The following CSTL1 variants were observed in gnomAD, a reference collection of about 807,000 sequenced individuals.
CSTL1 encodes the protein cystatin-like 1.
In CSTL1, 14 loss-of-function variants were observed where a neutral mutation model predicts 14.4. That is an observed-to-expected ratio of 0.97 (90% CI 0.64 to 1.52). The LOEUF (loss-of-function observed/expected upper bound fraction) is 1.52, where lower values mean the gene tolerates loss of function less well. CSTL1 is among the 40% of genes most tolerant of loss of function. The probability of loss-of-function intolerance (pLI) is 0.00; values close to 1 mark genes in which losing one functional copy is unlikely to be tolerated. For missense variants in CSTL1, 170 were observed against 168.7 expected (o/e 1.01, Z -0.04); for synonymous variants, 72 against 67.5 (o/e 1.07, Z -0.33).
the CSTL1 span, chr20:23,452,863 A>G: frequency 6.9e-7 from 1 of 1,439,872 alleles, no homozygotes; most frequent in East Asian, 2.4e-5. Flanking sequence ...CTCAGGGACA[A>G]GTCGAATCAC....
chr20:23,452,833 G>C, the CSTL1 span: 9 of 1,578,464 alleles, frequency 5.7e-6, no homozygotes, highest in South Asian at 6.7e-5. Context: ...AGAGGAACAG[G>C]AAGAGTGTTC....
At chr20:23,446,341 C>T (rs1023991432), downstream of CSTL1, among the ~76,000 whole-genome samples, 5 of 152,040 alleles carry the variant, frequency 3.3e-5, no homozygotes, top group South Asian at 6.2e-4. Context: ...CTGCAGTCTC[C>T]GCCTCCCAGG....
Position 23,440,245 on chromosome 20 carries a change from A to G in CSTL1, c.-23A>G, listed in dbSNP as rs1287580620. 2 of 1,612,920 alleles carry G rather than the reference A, an allele frequency of 1.2e-6. No individual in the cohort carries two copies. The highest frequency in any genetic ancestry group is 2.2e-5 in the East Asian group (1 of 44,860). ...CACACCCTGGAAGGTGCAGTTGGGAAGAAAGTTTCTGAGGCTGTAGACATG... is the reference window on the plus strand; with the variant it reads ...CACACCCTGGAAGGTGCAGTTGGGAGGAAAGTTTCTGAGGCTGTAGACATG... On this transcript the variant is annotated 5_prime_UTR_variant, in exon 2 of 4. Coordinates refer to ENST00000347397, the MANE Select transcript of CSTL1 (RefSeq NM_138283.1).
downstream of CSTL1, among the ~76,000 whole-genome samples, chr20:23,449,679 T>C (rs552850286): frequency 1.6e-4 from 24 of 152,290 alleles, no homozygotes; most frequent in South Asian, 6.2e-4. Flanking sequence ...CCGTGGCTGC[T>C]GTGCCTTCTG....
chr20:23,460,977 C>A, the CSTL1 span, among the ~76,000 whole-genome samples: 1 of 152,178 alleles, frequency 6.6e-6, no homozygotes, highest in Non-Finnish European at 1.5e-5. Context: ...CGTGGCAATG[C>A]AAATTGATAG....
At chr20:23,440,727 A>C in intron 2 of CSTL1, 1 of 596,220 alleles carries the variant, frequency 1.7e-6, no homozygotes, top group South Asian at 1.6e-5. Flanking sequence ...ATACACTTAG[A>C]GGCAAAAGTG....
At chr20:23,454,443 C>G in the CSTL1 span, among the ~76,000 whole-genome samples, 1 of 152,118 alleles carries the variant, frequency 6.6e-6, no homozygotes, top group Non-Finnish European at 1.5e-5. Context: ...CGCTAAAACA[C>G]ACAGACACAG....
chr20:23,453,310 G>A, the CSTL1 span, among the ~76,000 whole-genome samples: 2 of 152,152 alleles, frequency 1.3e-5, no homozygotes, highest in African/African-American at 4.8e-5. Context: ...CCCTCCCTTA[G>A]AGGACAAAGG....
chr20:23,453,683 C>T, the CSTL1 span, among the ~76,000 whole-genome samples: 1 of 152,086 alleles, frequency 6.6e-6, no homozygotes, highest in Non-Finnish European at 1.5e-5. Flanking sequence ...TGGGAAGATG[C>T]GATATAAAAA....
the CSTL1 span, among the ~76,000 whole-genome samples, chr20:23,453,413 C>T: frequency 6.6e-6 from 1 of 152,052 alleles, no homozygotes; most frequent in Non-Finnish European, 1.5e-5. Flanking sequence ...GAGTGGCCTC[C>T]GCTGGACTTG....
the CSTL1 span, among the ~76,000 whole-genome samples, chr20:23,456,384 C>T: frequency 6.6e-6 from 1 of 152,206 alleles, no homozygotes; most frequent in African/African-American, 2.4e-5. Context: ...TCCCTATGCA[C>T]ACCACATCTC....
the CSTL1 span, chr20:23,450,409 G>T: frequency 1.3e-6 from 1 of 741,364 alleles, no homozygotes; most frequent in Non-Finnish European, 2.2e-6. Context: ...GATCTTAAGA[G>T]AATATGTTGA....
rs1269387033 is a variant in CSTL1, at chr20:23,440,156, C to A, written c.-112C>A. 6.6e-6 allele frequency: 7 copies of A among 1,055,996 alleles called. No homozygotes were observed. The East Asian group carries it at 1.7e-4, about 26-fold the overall frequency. 65.4% of individuals were successfully genotyped at this position (1,055,996 alleles called of 1,614,324 possible). A position where few individuals can be genotyped will look rare whatever the true frequency, so the allele number is the denominator to read the frequency against. ...TGTTTAAATGCAGGCAGGCCATCCC[C>A]CAGGAAAGCCTATGTTGGTGAGGGT... On this transcript the variant is annotated 5_prime_UTR_variant, in exon 2 of 4. Coordinates refer to ENST00000347397, the MANE Select transcript of CSTL1 (RefSeq NM_138283.1).
rs150136665 is a variant in CSTL1, at chr20:23,442,653, C to A, written c.220-1281C>A. ...TGGATGGCCCCCACATGTTTGGGTG[C>A]GGGGAGGCTGGTACTGCCCTCAGGT... On this transcript the variant is annotated intron_variant, in intron 2 of 3. Transcript: ENST00000347397. 3.9e-5 allele frequency among the ~76,000 whole-genome samples: 6 copies of A among 152,252 alleles called. No individual in the cohort carries two copies. In the East Asian group the frequency reaches 1.2e-3, roughly 29 times the overall value.
At chr20:23,448,288 T>G (rs973146133), downstream of CSTL1, among the ~76,000 whole-genome samples, 5 of 144,730 alleles carry the variant, frequency 3.5e-5, no homozygotes, top group African/African-American at 1.4e-4. Context: ...CCCGCTCACC[T>G]TGCTTTCATA....
intron 2 of CSTL1, among the ~76,000 whole-genome samples, chr20:23,442,711 C>A (rs536591633): frequency 2.3e-4 from 35 of 152,240 alleles, no homozygotes; most frequent in African/African-American, 7.7e-4. Context: ...CCAGTGTTTG[C>A]TAAGGGTGTC....
the CSTL1 span, chr20:23,451,755 G>A: frequency 1.6e-6 from 2 of 1,227,114 alleles, no homozygotes; most frequent in Non-Finnish European, 2.4e-6. Context: ...TCATTCTAAA[G>A]CCACAGAAAA....
rs541626853 is a variant in CSTL1 at position 23,439,864 on chromosome 20, G to A, written c.-125+58G>A. The A allele has an allele frequency of 1.7e-5, 4 of 239,628 alleles. No homozygotes were observed. The East Asian group carries it at 3.7e-4, about 22-fold the overall frequency. 14.8% of individuals were successfully genotyped at this position (239,628 alleles called of 1,614,324 possible). The stretch of plus-strand genomic sequence containing the variant: ...GACTGCTTCCTTATATCTCAGTTCA[G>A]ATATTACCTTCTCCGTAAGGCCGCC... On this transcript the variant is annotated intron_variant, in intron 1 of 3. Transcript: ENST00000347397.
At chr20:23,457,379 G>A in the CSTL1 span, among the ~76,000 whole-genome samples, 2 of 152,030 alleles carry the variant, frequency 1.3e-5, no homozygotes, top group Admixed American at 1.3e-4. Context: ...TTCTGTATCC[G>A]CTATGAAAAA....
Sources: allele counts gnomAD v4.1 joint callset (sites outside exome capture counted in the v4.1 genomes callset), GRCh38; gene constraint gnomAD v4.1.1; transcripts MANE v1.5; gene names NCBI Gene and HGNC (gene_info 2026-07-23, HGNC 2026-07-21).